Variants in STIM2 observed in about 807,000 individuals in gnomAD.
STIM2 encodes stromal interaction molecule 2.
STIM2 carries 31 observed loss-of-function variants against 85.8 expected under a neutral mutation model. The observed-to-expected ratio is 0.36, with a 90% CI of 0.27 to 0.49. The LOEUF (loss-of-function observed/expected upper bound fraction) is 0.49, where lower values mean the gene tolerates loss of function less well. Ranked by LOEUF, STIM2 falls within the 20% of genes least tolerant of loss-of-function variation. The pLI, the probability that STIM2 is intolerant of heterozygous loss-of-function variation, is 0.98. For missense variants in STIM2, 841 were observed against 927.6 expected, an observed-to-expected ratio of 0.91 and a Z score of 1.21; for synonymous variants, 356 against 331.1, an observed-to-expected ratio of 1.08 and a Z score of -0.82.
chr4:26,954,137 G>A (rs1726156311), intron 2 of STIM2, among the ~76,000 whole-genome samples: 1 of 152,136 alleles, frequency 6.6e-6, no homozygotes. Flanking sequence ...TATTAAAGTG[G>A]TGTCATAAAA....
At chr4:27,011,469 A>C (rs1157341185) in intron 10 of STIM2, among the ~76,000 whole-genome samples, 1 of 152,202 alleles carries the variant, frequency 6.6e-6, no homozygotes, top group Non-Finnish European at 1.5e-5. Flanking sequence ...CATAACTTTG[A>C]GAGTTTCTCT....
intron 7 of STIM2, among the ~76,000 whole-genome samples, chr4:27,005,116 G>A (rs1386700637): frequency 6.6e-6 from 1 of 152,130 alleles, no homozygotes; most frequent in Non-Finnish European, 1.5e-5. Context: ...TGTATAATAT[G>A]ACATAACCCA....
chr4:26,973,754 C>G (rs1727070152), intron 3 of STIM2, among the ~76,000 whole-genome samples: 1 of 152,154 alleles, frequency 6.6e-6, no homozygotes, highest in African/African-American at 2.4e-5. Context: ...TCTATTAGGT[C>G]CGCTTGGTGC....
Position 26,861,306 on chromosome 4 carries a change from T to TCTGCCGCAA in STIM2, c.96_104dup (p.Thr33_Ala35dup), listed in dbSNP as rs1213910327. On this transcript the variant is annotated inframe_insertion, in exon 1 of 12. Coordinates refer to ENST00000467087, the MANE Select transcript of STIM2 (RefSeq NM_020860.4). Reference sequence around the variant, plus strand: ...CCTCCGCGGGCGGCGGGCGACTGGCTCTGCCGCAACTGCCGCCTCCTCTCC... The same window carrying TCTGCCGCAA: ...CCTCCGCGGGCGGCGGGCGACTGGCTCTGCCGCAACTGCCGCAACTGCCGCCTCCTCTCC... 3.5e-6 allele frequency: 5 copies of TCTGCCGCAA among 1,431,776 alleles called. No individual in the cohort carries two copies. The highest frequency in any genetic ancestry group is 3.1e-5 in the East Asian group (1 of 32,604). The allele number at this position is 1,431,776 out of a possible 1,614,324, so 88.7% of individuals were successfully genotyped here.
At chr4:26,919,376 GT>G (rs1724712481) in intron 1 of STIM2, 127 bp from the exon 2 acceptor site, 9 of 1,182,112 alleles carry the variant, frequency 7.6e-6, no homozygotes, top group African/African-American at 1.6e-5. Context: ...TCTGTTAGAC[GT>G]TTTAAAGTCT....
intron 11 of STIM2, among the ~76,000 whole-genome samples, chr4:27,018,633 C>A (rs369373503): frequency 6.6e-6 from 1 of 152,132 alleles, no homozygotes; most frequent in African/African-American, 2.4e-5. Context: ...TGTGTGTACA[C>A]CAGGGGCTGG....
chr4:26,984,171 T>C (rs1727499524), intron 3 of STIM2, among the ~76,000 whole-genome samples: 1 of 152,188 alleles, frequency 6.6e-6, no homozygotes, highest in South Asian at 2.1e-4. Flanking sequence ...GTTAACAGAA[T>C]CATTTTGTCA....
rs186644748 is a variant in STIM2, at chr4:27,017,349, T to C, written c.1490-362T>C. On this transcript the variant is annotated intron_variant, in intron 10 of 11. Transcript: ENST00000467087. ...CATTGCAGCCTACTTTATTCTGTTG[T>C]CCTTTCTTTATGTTAACAGTCATAA... Among the ~76,000 whole-genome samples the C allele has an allele frequency of 1.7e-3, 259 of 152,346 alleles. 2 individuals carry two copies. Among genetic ancestry groups the C allele is most frequent in the Non-Finnish European group, 2.6e-3 (176 of 68,034 alleles).
chr4:26,951,291 CT>C (rs1359910498), intron 2 of STIM2, among the ~76,000 whole-genome samples: 1 of 152,092 alleles, frequency 6.6e-6, no homozygotes, highest in Non-Finnish European at 1.5e-5. Context: ...AATTTTCCCC[CT>C]GCAAAGGTTA....
chr4:27,009,077 T>C (rs2109137480), intron 10 of STIM2, 75 bp downstream of exon 10: 6 of 1,287,256 alleles, frequency 4.7e-6, no homozygotes, highest in Non-Finnish European at 6.6e-6. Context: ...TTAGGAATCA[T>C]GTACTTCGAA....
rs182289991 is a variant in STIM2 at position 26,973,544 on chromosome 4, C to T, written c.397+15818C>T. 5.2e-3 allele frequency among the ~76,000 whole-genome samples: 794 copies of T among 152,180 alleles called. 8 individuals are homozygous for T. The highest frequency in any genetic ancestry group is 0.018 in the African/African-American group (767 of 41,516). On this transcript the variant is annotated intron_variant, in intron 3 of 11. Coordinates refer to ENST00000467087, the MANE Select transcript of STIM2 (RefSeq NM_020860.4). ...GTTGTTCAGTTTCCATGTAGTTGTG[C>T]GGTTTTGAGTGAATTTCTTAATCCT...
chr4:26,878,566 A>T (rs1722893462), intron 1 of STIM2, among the ~76,000 whole-genome samples: 1 of 152,026 alleles, frequency 6.6e-6, no homozygotes, highest in African/African-American at 2.4e-5. Context: ...ACTCTGACTA[A>T]TCCTGATTTT....
At chr4:26,989,004 G>A (rs1727675873) in intron 3 of STIM2, among the ~76,000 whole-genome samples, 2 of 152,140 alleles carry the variant, frequency 1.3e-5, no homozygotes, top group South Asian at 4.1e-4. Flanking sequence ...GCGCAGTCTT[G>A]GCTCACTGCA....
intron 1 of STIM2, among the ~76,000 whole-genome samples, chr4:26,881,291 C>G (rs1246732236): frequency 6.6e-6 from 1 of 152,006 alleles, no homozygotes; most frequent in Non-Finnish European, 1.5e-5. Context: ...TATGGTGACA[C>G]CCCGTCTTTA....
intron 11 of STIM2, chr4:27,019,541 G>A (rs892415392): frequency 8.1e-7 from 1 of 1,238,558 alleles, no homozygotes; most frequent in African/African-American, 1.5e-5. Flanking sequence ...CATTTCAATA[G>A]CAATGTCAAA....
intron 1 of STIM2, among the ~76,000 whole-genome samples, chr4:26,891,202 A>ATATGATTAG (rs1281722109): frequency 6.6e-6 from 1 of 152,194 alleles, no homozygotes; most frequent in Non-Finnish European, 1.5e-5. Context: ...TAATTTGTAG[A>ATATGATTAG]TATGATTAGT....
intron 1 of STIM2, among the ~76,000 whole-genome samples, chr4:26,907,513 T>TA (rs529103307): frequency 6.6e-6 from 1 of 152,058 alleles, no homozygotes; most frequent in Admixed American, 6.6e-5. Flanking sequence ...AAGAGGGTAT[T>TA]AAAAAAAACT....
intron 1 of STIM2, among the ~76,000 whole-genome samples, chr4:26,904,573 G>C (rs1305236685): frequency 6.6e-6 from 1 of 152,136 alleles, no homozygotes; most frequent in Admixed American, 6.6e-5. Flanking sequence ...GTAATGTTGA[G>C]GTTATAGGTG....
rs749005161 is a variant in STIM2 at position 27,022,638 on chromosome 4, A to T, written c.1883A>T (p.Asp628Val). The change falls in exon 12 of 12, where the codon GAT becomes GTT. Residue 628 changes from aspartate (D) to valine (V), a missense_variant. By Grantham distance (152) the Asp-to-Val change is radical. This residue lies in a region of STIM2 where 293 missense variants were observed against 284.5 expected (regional missense o/e 1.03). Coordinates refer to ENST00000467087, the MANE Select transcript of STIM2 (RefSeq NM_020860.4). ...TTATCTCCGCGAAAGATATCAAGAGATGAGGTGTCCCTAGAGGATTCCTCC... is the reference window on the plus strand; with the variant it reads ...TTATCTCCGCGAAAGATATCAAGAGTTGAGGTGTCCCTAGAGGATTCCTCC... The T allele has an allele frequency of 6.2e-7, 1 of 1,614,184 alleles. No homozygotes were observed. The highest frequency in any genetic ancestry group is 1.1e-5 in the South Asian group (1 of 91,088).
Sources: gnomAD v4.1 joint callset for allele counts (sites outside exome capture counted in the v4.1 genomes callset) on GRCh38, gnomAD v4.1.1 for gene constraint, gnomAD v4.1.1 regional missense constraint, MANE v1.5 for transcripts, NCBI Gene and HGNC (gene_info 2026-07-23, HGNC 2026-07-21) for gene names.